SNX9: variants seen among roughly 807,000 people sequenced by gnomAD.
The protein encoded by SNX9 is sorting nexin 9, also known as sorting nexin-9.
A neutral mutation model predicts 89.4 loss-of-function variants in SNX9; 44 were observed. The ratio of observed to expected loss-of-function variants is 0.49; its 90% CI spans 0.39 to 0.63. The LOEUF (loss-of-function observed/expected upper bound fraction) is 0.63, where lower values mean the gene tolerates loss of function less well. Among genes scored for constraint, SNX9 ranks in the 30% least tolerant of loss-of-function variants. SNX9 has a pLI of 0.00. For synonymous variants in SNX9, 236 were observed against 247.8 expected (o/e 0.95, Z 0.45); for missense variants, 578 against 736.1 (o/e 0.79, Z 2.49).
At chr6:157,873,921 C>T (rs961856138) in intron 3 of SNX9, among the ~76,000 whole-genome samples, 6 of 152,146 alleles carry the variant, frequency 3.9e-5, no homozygotes, top group Non-Finnish European at 5.9e-5. Context: ...CCACCTGGCG[C>T]CCCCTGCTGG....
chr6:157,925,126 A>G (rs1395707686), intron 10 of SNX9, among the ~76,000 whole-genome samples: 1 of 152,242 alleles, frequency 6.6e-6, no homozygotes, highest in Admixed American at 6.5e-5. Context: ...TGCAACATAT[A>G]TAAGCAATGA....
At chr6:157,940,815 A>G in intron 16 of SNX9, 68 bp from the exon 17 acceptor site, 1 of 1,370,726 alleles carries the variant, frequency 7.3e-7, no homozygotes, top group Non-Finnish European at 1.0e-6. Context: ...GTAACTGAGC[A>G]GAGAAACCAG....
chr6:157,928,799 GAAGTGTA>G, intron 12 of SNX9, 97 bp downstream of exon 12: 1 of 931,878 alleles, frequency 1.1e-6, no homozygotes, highest in African/African-American at 1.7e-5. Flanking sequence ...GCCTCGAACA[GAAGTGTA>G]TTTGGTGGAC....
intron 4 of SNX9, among the ~76,000 whole-genome samples, chr6:157,893,249 C>A (rs1472134222): frequency 6.6e-6 from 1 of 152,206 alleles, no homozygotes; most frequent in African/African-American, 2.4e-5. Flanking sequence ...ATCTGAGAGT[C>A]CATCCCGAAG....
chr6:157,870,493 C>A (rs377021904), intron 2 of SNX9, among the ~76,000 whole-genome samples: 1 of 150,988 alleles, frequency 6.6e-6, no homozygotes, highest in Non-Finnish European at 1.5e-5. Context: ...GATAGTCTCA[C>A]CTGCTCTCAC....
chr6:157,842,626 T>C (rs9346932), intron 1 of SNX9, among the ~76,000 whole-genome samples: 14,590 of 152,088 alleles, frequency 0.096, 1,010 homozygotes, highest in African/African-American at 0.2. Flanking sequence ...GGAGTGCTGA[T>C]TGGTCAGGTT....
intron 7 of SNX9, among the ~76,000 whole-genome samples, chr6:157,908,781 C>G (rs1783273924): frequency 6.6e-6 from 1 of 152,218 alleles, no homozygotes; most frequent in Non-Finnish European, 1.5e-5. Flanking sequence ...TAGAATTTAG[C>G]TGGTTTCCCT....
At chr6:157,940,733 C>T (rs1388625025) in intron 16 of SNX9, 150 bp from the exon 17 acceptor site, 1 of 651,918 alleles carries the variant, frequency 1.5e-6, no homozygotes, top group African/African-American at 1.8e-5. Context: ...GTTTTTCTAA[C>T]CTCTTAGTAA....
chr6:157,876,400 G>A (rs1407191320), intron 4 of SNX9, among the ~76,000 whole-genome samples: 3 of 152,194 alleles, frequency 2.0e-5, no homozygotes, highest in East Asian at 1.9e-4. Flanking sequence ...GCAGTAAGCC[G>A]AGATCGTGCC....
In SNX9 at chr6:157,916,324, G is replaced by A. The variant is rs569380057; in HGVS notation, c.950-5207G>A. Among the ~76,000 whole-genome samples the A allele has an allele frequency of 2.6e-5, 4 of 152,262 alleles. No individual in the cohort carries two copies. The East Asian group carries it at 5.8e-4, about 22-fold the overall frequency. On this transcript the variant is annotated intron_variant, in intron 9 of 17. Transcript: ENST00000392185. Reference sequence around the variant, plus strand: ...GCTGGGATTACAGGCGTGAGCCACCGTGCCCGGCCCTCTTTTCTTTTTTAA... The same window carrying A: ...GCTGGGATTACAGGCGTGAGCCACCATGCCCGGCCCTCTTTTCTTTTTTAA...
chr6:157,933,200 A>G (rs1320274678), intron 13 of SNX9, among the ~76,000 whole-genome samples: 1 of 152,188 alleles, frequency 6.6e-6, no homozygotes, highest in African/African-American at 2.4e-5. Flanking sequence ...AGGCTGAAGC[A>G]GAAGGATCGC....
At chr6:157,832,317 A>G (rs1263179061) in intron 1 of SNX9, among the ~76,000 whole-genome samples, 1 of 152,150 alleles carries the variant, frequency 6.6e-6, no homozygotes, top group Non-Finnish European at 1.5e-5. Flanking sequence ...GTCATCCACA[A>G]CTCATTCATT....
chr6:157,929,981 T>C (rs1783774844), intron 12 of SNX9, among the ~76,000 whole-genome samples: 1 of 152,212 alleles, frequency 6.6e-6, no homozygotes. Context: ...CATGCCCATT[T>C]ATTTGTATAT....
chr6:157,917,838 T>C (rs1783505744), intron 9 of SNX9, among the ~76,000 whole-genome samples: 1 of 152,098 alleles, frequency 6.6e-6, no homozygotes, highest in South Asian at 2.1e-4. Context: ...CCCTCAAATA[T>C]TTGCAATCTA....
intron 6 of SNX9, among the ~76,000 whole-genome samples, 160 bp from the exon 7 acceptor site, chr6:157,905,968 G>A (rs895955196): frequency 6.6e-6 from 1 of 152,192 alleles, no homozygotes; most frequent in African/African-American, 2.4e-5. Context: ...ATTGGCCATT[G>A]AACAATCTGA....
Position 157,916,986 on chromosome 6 carries a change from G to A in SNX9, c.950-4545G>A, listed in dbSNP as rs964907632. 5.9e-5 allele frequency among the ~76,000 whole-genome samples: 9 copies of A among 152,256 alleles called. No homozygotes were observed. In the East Asian group the frequency reaches 1.2e-3, roughly 20 times the overall value. ...GAAGAGATTATATAGAATTGATACT[G>A]TTCTATAAGTGTTTGATAGAACTCA... On this transcript the variant is annotated intron_variant, in intron 9 of 17. Transcript: ENST00000392185.
chr6:157,829,810 C>T (rs1453356119), intron 1 of SNX9, among the ~76,000 whole-genome samples: 1 of 152,062 alleles, frequency 6.6e-6, no homozygotes. Context: ...CTGAATTTTA[C>T]CTTTTTATCC....
At chr6:157,911,495 C>T (rs1325264031) in intron 9 of SNX9, among the ~76,000 whole-genome samples, 1 of 152,212 alleles carries the variant, frequency 6.6e-6, no homozygotes, top group Non-Finnish European at 1.5e-5. Flanking sequence ...GTCAGCACTG[C>T]CGTGGAGTTT....
chr6:157,859,511 GT>G (rs1272640432), intron 1 of SNX9, among the ~76,000 whole-genome samples: 1 of 152,188 alleles, frequency 6.6e-6, no homozygotes, highest in Non-Finnish European at 1.5e-5. Flanking sequence ...CTATATTGGG[GT>G]AGCATTCCTT....
Sources: allele counts gnomAD v4.1 joint callset (sites outside exome capture counted in the v4.1 genomes callset), GRCh38; gene constraint gnomAD v4.1.1; transcripts MANE v1.5; gene names NCBI Gene and HGNC (gene_info 2026-07-23, HGNC 2026-07-21).